Variants in P2RY14 observed in about 807,000 individuals in gnomAD.
P2RY14 encodes the protein P2Y purinoceptor 14.
P2RY14 carries 2 observed loss-of-function variants against 0.9 expected under a neutral mutation model. The observed-to-expected ratio is 2.16, with a 90% CI of 0.88 to 6.79. The LOEUF (loss-of-function observed/expected upper bound fraction) is 6.79. P2RY14 is among the 30% of genes most tolerant of loss of function. P2RY14 has a pLI of 0.05. For synonymous variants in P2RY14, 158 were observed against 147.2 expected (o/e 1.07, Z -0.53); for missense variants, 378 against 400.1 (o/e 0.94, Z 0.47).
intron 1 of P2RY14, among the ~76,000 whole-genome samples, chr3:151,230,995 A>T (rs895478620): frequency 6.6e-6 from 1 of 152,198 alleles, no homozygotes; most frequent in Non-Finnish European, 1.5e-5. Flanking sequence ...GCTCAGACCG[A>T]TTAGGAAATG....
chr3:151,236,467 G>A (rs1272167825), intron 1 of P2RY14, among the ~76,000 whole-genome samples: 1 of 152,068 alleles, frequency 6.6e-6, no homozygotes, highest in Non-Finnish European at 1.5e-5. Flanking sequence ...TATTCTTAAC[G>A]ATGTTAATAA....
chr3:151,272,278 G>A (rs1741092986), intron 1 of P2RY14, among the ~76,000 whole-genome samples: 1 of 152,162 alleles, frequency 6.6e-6, no homozygotes, highest in Admixed American at 6.5e-5. Flanking sequence ...TAGGGTCAAG[G>A]TTTCTCAAGT....
intron 1 of P2RY14, among the ~76,000 whole-genome samples, chr3:151,251,245 C>T (rs1486887895): frequency 1.3e-5 from 2 of 152,180 alleles, no homozygotes; most frequent in African/African-American, 4.8e-5. Flanking sequence ...CCTTTCTACC[C>T]AGATGCTTCT....
rs535211489 is a variant in P2RY14 at position 151,250,748 on chromosome 3, T to G, written c.-133+27539A>C. ...GAAAGTGGGTATACAAATATCTGCTTAAGACCCTACTTTCAGTTCTTTTGG... is the reference window on the plus strand; with the variant it reads ...GAAAGTGGGTATACAAATATCTGCTGAAGACCCTACTTTCAGTTCTTTTGG... On this transcript the variant is annotated intron_variant, in intron 1 of 2. Coordinates refer to ENST00000309170, the MANE Select transcript of P2RY14 (RefSeq NM_014879.4). Among the ~76,000 whole-genome samples, 21 of 152,330 alleles carry G rather than the reference T, an allele frequency of 1.4e-4. No homozygotes were observed. In the South Asian group the frequency reaches 4.1e-3, roughly 30 times the overall value.
chr3:151,243,432 A>G (rs374680436), intron 1 of P2RY14, among the ~76,000 whole-genome samples: 1 of 152,048 alleles, frequency 6.6e-6, no homozygotes, highest in African/African-American at 2.4e-5. Flanking sequence ...CAGAAACCCT[A>G]CAAGCCAGAA....
chr3:151,264,936 T>G (rs949470602), intron 1 of P2RY14, among the ~76,000 whole-genome samples: 1 of 148,972 alleles, frequency 6.7e-6, no homozygotes, highest in Non-Finnish European at 1.5e-5. Flanking sequence ...TTCTTGCTCT[T>G]GCTCCTCCAC....
intron 1 of P2RY14, among the ~76,000 whole-genome samples, chr3:151,250,048 C>G (rs988481913): frequency 6.6e-6 from 1 of 152,246 alleles, no homozygotes; most frequent in East Asian, 1.9e-4. Flanking sequence ...TGTGAATCCT[C>G]TTTATTAGCA....
intron 1 of P2RY14, among the ~76,000 whole-genome samples, chr3:151,273,479 G>A (rs1468631041): frequency 1.4e-5 from 2 of 146,238 alleles, no homozygotes; most frequent in African/African-American, 5.0e-5. Flanking sequence ...CTGACCTTGT[G>A]ATCTGCCCAC....
intron 2 of P2RY14, among the ~76,000 whole-genome samples, chr3:151,215,419 A>G (rs894539496): frequency 2.0e-5 from 3 of 152,004 alleles, no homozygotes; most frequent in African/African-American, 4.8e-5. Flanking sequence ...GTAATATTCT[A>G]CAAATGCTCT....
chr3:151,247,326 T>C (rs1349495812), intron 1 of P2RY14, among the ~76,000 whole-genome samples: 2 of 152,040 alleles, frequency 1.3e-5, no homozygotes, highest in African/African-American at 4.8e-5. Context: ...ATGTTTATTG[T>C]GGCATTATTC....
chr3:151,252,275 A>G (rs1279545672), intron 1 of P2RY14, among the ~76,000 whole-genome samples: 3 of 152,230 alleles, frequency 2.0e-5, no homozygotes, highest in African/African-American at 7.2e-5. Context: ...TACAACCAGG[A>G]GTAGTGCTTA....
At chr3:151,241,583 T>C (rs983713921) in intron 1 of P2RY14, among the ~76,000 whole-genome samples, 1 of 152,188 alleles carries the variant, frequency 6.6e-6, no homozygotes, top group African/African-American at 2.4e-5. Flanking sequence ...GGAATACATA[T>C]GCACACACAC....
At chr3:151,233,280 C>G (rs1732070453) in intron 1 of P2RY14, among the ~76,000 whole-genome samples, 1 of 152,208 alleles carries the variant, frequency 6.6e-6, no homozygotes. Flanking sequence ...ATCTCTTATT[C>G]TCATCACATT....
At chr3:151,246,068 G>A (rs1735385674) in intron 1 of P2RY14, among the ~76,000 whole-genome samples, 1 of 151,878 alleles carries the variant, frequency 6.6e-6, no homozygotes, top group Non-Finnish European at 1.5e-5. Flanking sequence ...TACAAGGGAT[G>A]TGAAGGAACT....
In P2RY14 at chr3:151,213,320, C is replaced by A; in HGVS notation, c.997G>T (p.Glu333Ter). ...SRIKRGNTTL[E>*]STDTL ...GGAACTCACAAAGTATCTGTGCTTT[C>A]AAGTGTTGTATTTCCTCTTTTGATT... The change falls in exon 3 of 3, where the codon GAA (glutamate) becomes TAA (stop). Residue 333 changes from glutamate (E) to a stop codon, truncating the protein, a stop_gained. Coordinates refer to ENST00000309170, the MANE Select transcript of P2RY14 (RefSeq NM_014879.4). LOFTEE classifies it high-confidence loss of function. 6.2e-7 allele frequency: 1 copy of A among 1,609,978 alleles called. No homozygotes were observed. Among genetic ancestry groups the A allele is most frequent in the Non-Finnish European group, 8.5e-7 (1 of 1,178,500 alleles).
At chr3:151,245,133 T>C (rs539102707) in intron 1 of P2RY14, among the ~76,000 whole-genome samples, 1 of 152,174 alleles carries the variant, frequency 6.6e-6, no homozygotes, top group African/African-American at 2.4e-5. Flanking sequence ...ACCAATAGCT[T>C]AGCAACCAAA....
At chr3:151,217,341 A>C (rs772007438) in intron 2 of P2RY14, among the ~76,000 whole-genome samples, 7 of 152,160 alleles carry the variant, frequency 4.6e-5, no homozygotes, top group Non-Finnish European at 8.8e-5. Flanking sequence ...ATGTGACCTA[A>C]TGCTGCAGGT....
intron 1 of P2RY14, among the ~76,000 whole-genome samples, chr3:151,225,970 C>T (rs1730415503): frequency 1.3e-5 from 2 of 152,164 alleles, no homozygotes. Context: ...CCTGATATTT[C>T]TTCCTTTGCC....
intron 1 of P2RY14, among the ~76,000 whole-genome samples, chr3:151,258,708 C>G (rs1295541960): frequency 6.6e-6 from 1 of 151,928 alleles, no homozygotes; most frequent in Non-Finnish European, 1.5e-5. Flanking sequence ...AAAAATTAGC[C>G]AGGTGTGGTG....
Sources: gnomAD v4.1 joint callset for allele counts (sites outside exome capture counted in the v4.1 genomes callset) on GRCh38, gnomAD v4.1.1 for gene constraint, MANE v1.5 for transcripts, NCBI Gene and HGNC (gene_info 2026-07-23, HGNC 2026-07-21) for gene names.